The following RNASEH2B variants were observed in gnomAD, a reference collection of about 807,000 sequenced individuals.
RNASEH2B encodes ribonuclease H2 subunit B.
Under a neutral mutation model 45.0 loss-of-function variants are expected in RNASEH2B, and 36 were observed. That is an observed-to-expected ratio of 0.80 (90% CI 0.61 to 1.06). The LOEUF is 1.06. RNASEH2B is among the 50% of genes least tolerant of loss of function. The pLI, the probability that RNASEH2B is intolerant of heterozygous loss-of-function variation, is 0.00. For synonymous variants in RNASEH2B, 119 were observed against 125.7 expected, an observed-to-expected ratio of 0.95 and a Z score of 0.35; for missense variants, 361 against 360.3, an observed-to-expected ratio of 1.00 and a Z score of -0.02.
downstream of RNASEH2B, among the ~76,000 whole-genome samples, chr13:50,958,518 G>A (rs1313626649): frequency 6.6e-6 from 1 of 152,114 alleles, no homozygotes; most frequent in Non-Finnish European, 1.5e-5. Flanking sequence ...TTGCAGTTGG[G>A]TAATGTGATA....
In RNASEH2B at chr13:50,956,673, G is replaced by A. The variant is rs1952056045; in HGVS notation, c.*199G>A. ...CTAACTTCATGGCTATGGCCTTTTG[G>A]AGTCTCATCTGACATAATGAAAAGT... On this transcript the variant is annotated 3_prime_UTR_variant, in exon 11 of 11. Transcript: ENST00000336617. 3.2e-5 allele frequency: 43 copies of A among 1,338,464 alleles called. No homozygotes were observed. Among genetic ancestry groups the A allele is most frequent in the Non-Finnish European group, 3.9e-5 (40 of 1,038,818 alleles). The allele number at this position is 1,338,464 out of a possible 1,614,324, so 82.9% of individuals were successfully genotyped here. A position where few individuals can be genotyped will look rare whatever the true frequency, so the allele number is the denominator to read the frequency against.
chr13:50,959,413 T>A (rs991821012), downstream of RNASEH2B: 4 of 152,076 alleles, frequency 2.6e-5, no homozygotes, highest in East Asian at 7.7e-4. Context: ...ACCAGACACT[T>A]TTATTTTCTT....
chr13:50,917,618 AG>A (rs1298553878), intron 1 of RNASEH2B, among the ~76,000 whole-genome samples: 13 of 152,206 alleles, frequency 8.5e-5, no homozygotes, highest in Non-Finnish European at 1.5e-4. Flanking sequence ...TTTGCATATC[AG>A]GAAACCAAGA....
chr13:50,923,246 G>A (rs1177630434), intron 1 of RNASEH2B, among the ~76,000 whole-genome samples: 1 of 152,112 alleles, frequency 6.6e-6, no homozygotes, highest in African/African-American at 2.4e-5. Context: ...GAAGAGAAGG[G>A]TGGAAGAGGA....
chr13:50,928,932 CTTTT>C (rs35147830), intron 2 of RNASEH2B, among the ~76,000 whole-genome samples: 5 of 87,876 alleles, frequency 5.7e-5, no homozygotes, highest in Non-Finnish European at 1.1e-4. Flanking sequence ...TGCCTCCTCC[CTTTT>C]TTTTTTTTTT....
At chr13:50,917,771 G>A (rs1009160981) in intron 1 of RNASEH2B, among the ~76,000 whole-genome samples, 4 of 152,180 alleles carry the variant, frequency 2.6e-5, no homozygotes, top group African/African-American at 4.8e-5. Flanking sequence ...ACCACTGTGG[G>A]AGAGGCCAGA....
At chr13:50,935,370 C>T (rs1231767061) in intron 5 of RNASEH2B, 6 of 285,818 alleles carry the variant, frequency 2.1e-5, no homozygotes, top group South Asian at 1.2e-4. Context: ...ATTTATCGAG[C>T]ACCTTCCAAA....
intron 1 of RNASEH2B, chr13:50,915,443 T>C (rs948946414): frequency 1.0e-5 from 4 of 398,532 alleles, no homozygotes; most frequent in African/African-American, 8.2e-5. Context: ...CCAGGAAGCC[T>C]TCCCATGGGT....
At chr13:50,964,278 T>A (rs114884597) in intron 9 of RNASEH2B, among the ~76,000 whole-genome samples, 1,848 of 152,330 alleles carry the variant, frequency 0.012, 33 homozygotes, top group African/African-American at 0.043. Flanking sequence ...CCAGTTTTTT[T>A]ATAAATGCCC....
At position 50,910,016 on chromosome 13, in the gene RNASEH2B, G is replaced by T. The variant is rs1879247382; in HGVS notation, c.-61G>T. ...AGACCCTTCTCCCGCCATTTTCGGC[G>T]GGGCTGGGAGACTGAGGCCCGCGGC... On this transcript the variant is annotated 5_prime_UTR_variant, in exon 1 of 11. Transcript: ENST00000336617. 1 of 1,397,770 alleles carries T rather than the reference G, an allele frequency of 7.2e-7. No individual in the cohort carries two copies. Among genetic ancestry groups the T allele is most frequent in the South Asian group, 1.3e-5 (1 of 75,038 alleles). 86.6% of individuals were successfully genotyped at this position (1,397,770 alleles called of 1,614,324 possible).
At chr13:50,932,507 C>T (rs1951692903) in intron 4 of RNASEH2B, among the ~76,000 whole-genome samples, 1 of 152,168 alleles carries the variant, frequency 6.6e-6, no homozygotes, top group Admixed American at 6.5e-5. Context: ...CAGTCTGGTG[C>T]CACCACCAGA....
At chr13:50,949,290 C>T in intron 8 of RNASEH2B, 173 bp from the exon 9 acceptor site, 1 of 621,686 alleles carries the variant, frequency 1.6e-6, no homozygotes, top group Non-Finnish European at 2.9e-6. Context: ...AATAAAGACT[C>T]ATTTATTGAG....
At chr13:50,943,091 G>T in intron 5 of RNASEH2B, 286 of 407,182 alleles carry the variant, frequency 7.0e-4, no homozygotes, top group East Asian at 1.5e-3. Flanking sequence ...TGTATAATTT[G>T]AAGGTTTTCT....
At chr13:50,921,520 C>G (rs1207528103) in intron 1 of RNASEH2B, among the ~76,000 whole-genome samples, 1 of 152,080 alleles carries the variant, frequency 6.6e-6, no homozygotes, top group Non-Finnish European at 1.5e-5. Context: ...AGAGGCTGGT[C>G]CATGAAATGA....
Position 50,910,105 on chromosome 13 carries a change from G to C in RNASEH2B, c.29G>C (p.Gly10Ala). The C allele has an allele frequency of 6.8e-7, 1 of 1,462,214 alleles. No individual in the cohort carries two copies. The allele number at this position is 1,462,214 out of a possible 1,614,324, so 90.6% of individuals were successfully genotyped here. A position where few individuals can be genotyped will look rare whatever the true frequency, so the allele number is the denominator to read the frequency against. ...GCCGCTGGCGTGGACTGCGGGGACG[G>C]GGTTGGCGCCCGGCAGCACGTGTTC... MAAGVDCGDGVGARQHVFLV... is the reference protein window; with the variant it reads MAAGVDCGDAVGARQHVFLV... The change falls in exon 1 of 11, where the codon GGG becomes GCG. Residue 10 changes from glycine to alanine, a missense_variant. Physicochemically the swap from Gly to Ala is moderately conservative, Grantham distance 60. Coordinates refer to ENST00000336617, the MANE Select transcript of RNASEH2B (RefSeq NM_024570.4).
intron 1 of RNASEH2B, among the ~76,000 whole-genome samples, chr13:50,920,893 A>G (rs1045610558): frequency 1.1e-4 from 17 of 152,206 alleles, no homozygotes; most frequent in South Asian, 2.1e-4. Context: ...ATTTTTACAT[A>G]TAAAATGCAT....
At chr13:50,967,715 A>G (rs1194866484) in intron 9 of RNASEH2B, among the ~76,000 whole-genome samples, 1 of 152,172 alleles carries the variant, frequency 6.6e-6, no homozygotes, top group African/African-American at 2.4e-5. Context: ...ACCTTTTCAC[A>G]TAGTTTAGGA....
At chr13:50,965,491 T>G (rs892701277) in intron 9 of RNASEH2B, among the ~76,000 whole-genome samples, 1 of 152,222 alleles carries the variant, frequency 6.6e-6, no homozygotes, top group African/African-American at 2.4e-5. Context: ...CAGATGTTTG[T>G]TGCATGAGAG....
intron 1 of RNASEH2B, among the ~76,000 whole-genome samples, chr13:50,925,028 T>C (rs1156408076): frequency 6.6e-6 from 1 of 152,104 alleles, no homozygotes; most frequent in Non-Finnish European, 1.5e-5. Context: ...GAAACTCCAG[T>C]TATACATATA....
Sources: gnomAD v4.1 joint callset for allele counts (sites outside exome capture counted in the v4.1 genomes callset) on GRCh38, gnomAD v4.1.1 for gene constraint, MANE v1.5 for transcripts, NCBI Gene and HGNC (gene_info 2026-07-23, HGNC 2026-07-21) for gene names.